Variants in DPP10 observed in about 807,000 individuals in gnomAD.
DPP10 encodes inactive dipeptidyl peptidase 10.
Under a neutral mutation model 120.9 loss-of-function variants are expected in DPP10, and 33 were observed. The ratio of observed to expected loss-of-function variants is 0.27; its 90% CI spans 0.21 to 0.37. DPP10 has a LOEUF of 0.37. DPP10 is among the 10% of genes least tolerant of loss of function. The pLI is 1.00. For missense variants in DPP10, 816 were observed against 942.8 expected, an observed-to-expected ratio of 0.87 and a Z score of 1.76; for synonymous variants, 337 against 326.1, an observed-to-expected ratio of 1.03 and a Z score of -0.36.
intron 3 of DPP10, among the ~76,000 whole-genome samples, chr2:115,377,898 T>C (rs2065942110): frequency 1.3e-5 from 2 of 152,154 alleles, no homozygotes; most frequent in Admixed American, 6.5e-5. Context: ...CTCTGTTCTG[T>C]TCCATTGGTC....
intron 1 of DPP10, among the ~76,000 whole-genome samples, chr2:115,252,649 G>T (rs1248331510): frequency 6.6e-6 from 1 of 152,192 alleles, no homozygotes; most frequent in Non-Finnish European, 1.5e-5. Context: ...GTGTTCACTG[G>T]AGTTGTTCCT....
intron 1 of DPP10, among the ~76,000 whole-genome samples, chr2:115,244,237 T>G (rs71418539): frequency 1.5e-3 from 101 of 67,086 alleles, no homozygotes; most frequent in East Asian, 0.013. Flanking sequence ...TATATATATA[T>G]ATAGAGAGAG....
rs2060394714 is a variant in DPP10, at chr2:115,286,515, TATATATATATA to T, written c.61-22712_61-22702del. Among the ~76,000 whole-genome samples, 5 of 42,224 alleles carry T rather than the reference TATATATATATA, an allele frequency of 1.2e-4. 1 individual carries two copies. The highest frequency in any genetic ancestry group is 1.1e-3 in the East Asian group (1 of 916). The allele number at this position is 42,224 out of a possible 152,430, so 27.7% of individuals were successfully genotyped here. A position where few individuals can be genotyped will look rare whatever the true frequency, so the allele number is the denominator to read the frequency against. ...TAATATATATATATTACATATATAA[TATATATATATA>T]ATATATATATATATAAAATATATAC... On this transcript the variant is annotated intron_variant, in intron 1 of 25. Coordinates refer to ENST00000410059, the MANE Select transcript of DPP10 (RefSeq NM_020868.6).
chr2:115,797,437 C>T (rs925300868), intron 19 of DPP10, among the ~76,000 whole-genome samples: 1 of 151,850 alleles, frequency 6.6e-6, no homozygotes, highest in African/African-American at 2.4e-5. Flanking sequence ...CTACTTTTAC[C>T]CTCAGTTTCT....
At chr2:115,207,352 G>A (rs1008677758) in intron 1 of DPP10, among the ~76,000 whole-genome samples, 3 of 129,062 alleles carry the variant, frequency 2.3e-5, no homozygotes, top group Non-Finnish European at 3.1e-5. Context: ...TAGGCACCCT[G>A]TATTGTGAAC....
chr2:115,840,913 CCTA>C, intron 25 of DPP10, 90 bp downstream of exon 25: 1 of 1,027,286 alleles, frequency 9.7e-7, no homozygotes, highest in South Asian at 1.7e-5. Context: ...TTCCATTCTC[CCTA>C]CTATTATTTT....
intron 5 of DPP10, among the ~76,000 whole-genome samples, chr2:115,594,591 G>GT (rs2082878328): frequency 6.6e-6 from 1 of 152,152 alleles, no homozygotes; most frequent in Non-Finnish European, 1.5e-5. Context: ...AGTTCTGGAA[G>GT]TTTTTTCTCT....
chr2:115,555,280 G>A (rs767072332), intron 5 of DPP10, among the ~76,000 whole-genome samples: 71 of 152,138 alleles, frequency 4.7e-4, no homozygotes, highest in Admixed American at 1.5e-3. Context: ...CTTACGTTTG[G>A]AGCTGTGGCA....
In DPP10 at chr2:114,942,330, T is replaced by C. The variant is rs868673535; in HGVS notation, c.61-366909T>C. 2.0e-3 allele frequency among the ~76,000 whole-genome samples: 221 copies of C among 109,174 alleles called. 5 individuals are homozygous for C. Among genetic ancestry groups the C allele is most frequent in the African/African-American group, 4.6e-3 (129 of 28,342 alleles). 71.6% of individuals were successfully genotyped at this position (109,174 alleles called of 152,430 possible). ...ATATATATATATATATACACACACA[T>C]ATATATATACGTATATATACATATA... is the stretch of plus-strand genomic sequence containing the variant. On this transcript the variant is annotated intron_variant, in intron 1 of 25. Coordinates refer to ENST00000410059, the MANE Select transcript of DPP10 (RefSeq NM_020868.6).
chr2:115,254,752 A>G (rs1208017328), intron 1 of DPP10, among the ~76,000 whole-genome samples: 1 of 152,192 alleles, frequency 6.6e-6, no homozygotes, highest in Non-Finnish European at 1.5e-5. Flanking sequence ...CTGAAATTCA[A>G]TAGGGTAGTC....
chr2:114,749,343 A>G (rs1053279593), intron 1 of DPP10, among the ~76,000 whole-genome samples: 3 of 152,084 alleles, frequency 2.0e-5, no homozygotes, highest in Admixed American at 2.0e-4. Flanking sequence ...TGAGCTGAAG[A>G]TCTGGAGTTC....
intron 1 of DPP10, among the ~76,000 whole-genome samples, chr2:115,112,771 G>A (rs893230097): frequency 1.3e-5 from 2 of 152,160 alleles, no homozygotes; most frequent in African/African-American, 2.4e-5. Context: ...ATGTTCAAGA[G>A]ATCTACTGTA....
At chr2:115,561,541 A>G (rs1157307923) in intron 5 of DPP10, among the ~76,000 whole-genome samples, 3 of 152,168 alleles carry the variant, frequency 2.0e-5, no homozygotes, top group African/African-American at 7.2e-5. Context: ...CTCATTTTCA[A>G]AATGTACTTT....
intron 1 of DPP10, among the ~76,000 whole-genome samples, chr2:114,688,157 T>G (rs1483223897): frequency 6.6e-6 from 1 of 152,006 alleles, no homozygotes; most frequent in Non-Finnish European, 1.5e-5. Flanking sequence ...ATTTATTAAT[T>G]CACTTTGATC....
Position 115,042,127 on chromosome 2 carries a change from C to T in DPP10, c.61-267112C>T, listed in dbSNP as rs113416547. Among the ~76,000 whole-genome samples the T allele has an allele frequency of 6.0e-5, 9 of 149,084 alleles. 1 individual carries two copies. The highest frequency in any genetic ancestry group is 4.8e-4 in the Admixed American group (7 of 14,708). On this transcript the variant is annotated intron_variant, in intron 1 of 25. Coordinates refer to ENST00000410059, the MANE Select transcript of DPP10 (RefSeq NM_020868.6). ...TGGCACCTACCTGCTAAGTGATTCTCGGATTCCCAATCTGTAAAATGGATA... is the reference window on the plus strand; with the variant it reads ...TGGCACCTACCTGCTAAGTGATTCTTGGATTCCCAATCTGTAAAATGGATA...
chr2:115,802,283 C>T (rs967149668), intron 19 of DPP10, among the ~76,000 whole-genome samples: 2 of 151,954 alleles, frequency 1.3e-5, no homozygotes, highest in African/African-American at 4.8e-5. Context: ...GGTGATATCC[C>T]CTTTGTCATT....
intron 19 of DPP10, among the ~76,000 whole-genome samples, chr2:115,800,191 A>T (rs374912782): frequency 6.6e-6 from 1 of 151,672 alleles, no homozygotes; most frequent in Non-Finnish European, 1.5e-5. Flanking sequence ...GCCAGTGATG[A>T]TGAGCATTTT....
At chr2:115,430,152 A>AT (rs1413947773) in intron 3 of DPP10, among the ~76,000 whole-genome samples, 2 of 152,132 alleles carry the variant, frequency 1.3e-5, no homozygotes, top group Non-Finnish European at 2.9e-5. Flanking sequence ...CCGATTTAAG[A>AT]TTTTTTAATG....
At chr2:115,749,678 C>T (rs753998344) in intron 10 of DPP10, among the ~76,000 whole-genome samples, 12 of 152,242 alleles carry the variant, frequency 7.9e-5, no homozygotes, top group South Asian at 4.1e-4. Flanking sequence ...CTTTGTAGAA[C>T]GCTAGCTATA....
Sources: gnomAD v4.1 joint callset for allele counts (sites outside exome capture counted in the v4.1 genomes callset) on GRCh38, gnomAD v4.1.1 for gene constraint, MANE v1.5 for transcripts, NCBI Gene and HGNC (gene_info 2026-07-23, HGNC 2026-07-21) for gene names.